The following DNAH14 variants were observed in gnomAD, a reference collection of about 807,000 sequenced individuals.
DNAH14 encodes the protein axonemal beta dynein heavy chain 14.
DNAH14 carries 478 observed loss-of-function variants against 520.9 expected under a neutral mutation model. The observed-to-expected ratio is 0.92, with a 90% CI of 0.85 to 0.99. The LOEUF is 0.99. DNAH14 is among the 50% of genes least tolerant of loss of function. The pLI, the probability that DNAH14 is intolerant of heterozygous loss-of-function variation, is 0.00. For synonymous variants in DNAH14, 1,581 were observed against 1,757.2 expected, an observed-to-expected ratio of 0.90 and a Z score of 2.51; for missense variants, 4,831 against 5,234.5, an observed-to-expected ratio of 0.92 and a Z score of 2.38.
At position 225,117,952 on chromosome 1, in the gene DNAH14, T is replaced by A. The variant is rs2148862019; in HGVS notation, c.4044T>A (p.Ala1348=). The A allele has an allele frequency of 6.4e-7, 1 of 1,551,588 alleles. No homozygotes were observed. The highest frequency in any genetic ancestry group is 2.0e-5 in the Admixed American group (1 of 51,002). ...GGAAACAAGACATTGGCCCTCCTGC[T>A]GTAAAAATGCTAATATCTGCTGAAG... The part of the protein sequence containing the change: ...LIWKQDIGPP[A]VKMLISAEGE... The change falls in exon 25 of 86, where the codon GCT becomes GCA. Residue 1348 remains alanine, a synonymous_variant. Transcript: ENST00000682510.
At chr1:225,310,177 G>GGTTGT (rs1047525415) in intron 60 of DNAH14, among the ~76,000 whole-genome samples, 1 of 151,692 alleles carries the variant, frequency 6.6e-6, no homozygotes, top group Non-Finnish European at 1.5e-5. Context: ...TGTTTTGCAT[G>GGTTGT]GTTTTGTTTT....
chr1:225,171,023 G>A (rs929003952), intron 36 of DNAH14, among the ~76,000 whole-genome samples: 1 of 152,052 alleles, frequency 6.6e-6, no homozygotes, highest in African/African-American at 2.4e-5. Context: ...ATGACTACTG[G>A]GTACATAACG....
chr1:225,344,653 A>C (rs555203812), intron 69 of DNAH14, among the ~76,000 whole-genome samples: 90 of 152,216 alleles, frequency 5.9e-4, no homozygotes, highest in African/African-American at 2.0e-3. Context: ...GGTTGATTAC[A>C]TGCCTTAGCT....
At chr1:225,394,380 A>T (rs1249877259) in intron 84 of DNAH14, among the ~76,000 whole-genome samples, 1 of 152,202 alleles carries the variant, frequency 6.6e-6, no homozygotes, top group Non-Finnish European at 1.5e-5. Context: ...TGATGAACAA[A>T]AATTTTTTTG....
chr1:225,239,032 G>A (rs1426571699), intron 42 of DNAH14, among the ~76,000 whole-genome samples: 2 of 152,160 alleles, frequency 1.3e-5, no homozygotes, highest in African/African-American at 4.8e-5. Context: ...TGGGAATTTG[G>A]TCCCATCTCA....
rs1321363760 is a variant in DNAH14, at chr1:225,085,654, G to A, written c.3438G>A (p.Leu1146=). ...TTGATTTTTGGAACACTACTCCTTTGCCTTTAATTCTTCACCACACAGAGA... is the reference window on the plus strand; with the variant it reads ...TTGATTTTTGGAACACTACTCCTTTACCTTTAATTCTTCACCACACAGAGA... ...KIIDFWNTTP[L]PLILHHTEIY... Residue 1146 remains leucine (L), a synonymous_variant, in exon 21 of 86, where the codon TTG becomes TTA. Coordinates refer to ENST00000682510, the MANE Select transcript of DNAH14 (RefSeq NM_001367479.1). 6.4e-7 allele frequency: 1 copy of A among 1,551,162 alleles called. No homozygotes were observed. The highest frequency in any genetic ancestry group is 2.0e-5 in the Admixed American group (1 of 50,978).
chr1:225,373,408 T>C (rs143370047), intron 77 of DNAH14, among the ~76,000 whole-genome samples: 11,606 of 145,988 alleles, frequency 0.079, 554 homozygotes, highest in South Asian at 0.13. Flanking sequence ...GAGGTTGCAG[T>C]GAGCCGAGGT....
chr1:225,289,909 A>G lies in DNAH14; in HGVS notation c.8296A>G (p.Lys2766Glu). The G allele has an allele frequency of 6.9e-7, 1 of 1,445,962 alleles. No individual in the cohort carries two copies. The highest frequency in any genetic ancestry group is 9.2e-7 in the Non-Finnish European group (1 of 1,090,836). The allele number at this position is 1,445,962 out of a possible 1,614,324, so 89.6% of individuals were successfully genotyped here. Residue 2766 changes from lysine (K) to glutamate (E), a missense_variant, in exon 55 of 86, where the codon AAA becomes GAA. By Grantham distance (56) the Lys-to-Glu change is moderately conservative. Coordinates refer to ENST00000682510, the MANE Select transcript of DNAH14 (RefSeq NM_001367479.1). ...GATTGGAATAGATGGATGTGGGAAAAAAACATGTGCAACCTTGGCCTGTTA... is the reference window on the plus strand; with the variant it reads ...GATTGGAATAGATGGATGTGGGAAAGAAACATGTGCAACCTTGGCCTGTTA... ...LLIGIDGCGK[K>E]TCATLACYLT...
chr1:224,942,502 C>T (rs961800601), intron 1 of DNAH14, among the ~76,000 whole-genome samples: 5 of 152,110 alleles, frequency 3.3e-5, no homozygotes, highest in Admixed American at 1.3e-4. Context: ...TTATTTCCTT[C>T]TTCTGCCTGA....
chr1:225,090,626 C>G (rs930590121), intron 21 of DNAH14, among the ~76,000 whole-genome samples: 2 of 151,946 alleles, frequency 1.3e-5, no homozygotes, highest in Non-Finnish European at 2.9e-5. Flanking sequence ...GAAAAAACAG[C>G]CAATTTTTAA....
At chr1:225,234,104 A>G (rs1395636867) in intron 42 of DNAH14, among the ~76,000 whole-genome samples, 1 of 152,058 alleles carries the variant, frequency 6.6e-6, no homozygotes, top group African/African-American at 2.4e-5. Context: ...TTGTAGATGT[A>G]CAATCTTATT....
intron 8 of DNAH14, among the ~76,000 whole-genome samples, chr1:224,991,084 C>CCTTTTTTTTTTTTTTTTTTTTTTTTTT (rs1558617220): frequency 1.3e-5 from 1 of 77,900 alleles, no homozygotes; most frequent in Non-Finnish European, 2.8e-5. Flanking sequence ...TGATGTTGAG[C>CCTTTTTTTTTTTTTTTTTTTTTTTTTT]TTTTTTTTTT....
chr1:224,938,378 A>C (rs2059178124), intron 1 of DNAH14, among the ~76,000 whole-genome samples: 1 of 152,220 alleles, frequency 6.6e-6, no homozygotes, highest in Non-Finnish European at 1.5e-5. Context: ...AAATAGACAA[A>C]AGATATGAAC....
intron 34 of DNAH14, among the ~76,000 whole-genome samples, chr1:225,158,013 A>G (rs899957084): frequency 1.3e-5 from 2 of 152,224 alleles, no homozygotes; most frequent in Non-Finnish European, 2.9e-5. Flanking sequence ...ACAGTATTGT[A>G]TATTTCAAAA....
chr1:225,327,382 C>T (rs1385451172), intron 64 of DNAH14, among the ~76,000 whole-genome samples: 3 of 151,908 alleles, frequency 2.0e-5, no homozygotes, highest in African/African-American at 7.3e-5. Flanking sequence ...AGGATGGTCT[C>T]GATTTCCTGA....
intron 15 of DNAH14, 78 bp from the exon 16 acceptor site, chr1:225,050,132 C>G: frequency 8.0e-7 from 1 of 1,250,322 alleles, no homozygotes; most frequent in Non-Finnish European, 1.1e-6. Flanking sequence ...TTCAATAGTT[C>G]TAGATGTCAT....
At chr1:225,223,919 C>A (rs1227919888) in intron 41 of DNAH14, among the ~76,000 whole-genome samples, 1 of 152,166 alleles carries the variant, frequency 6.6e-6, no homozygotes, top group East Asian at 1.9e-4. Context: ...GCAGCCCCAA[C>A]AGAGCCAGCA....
chr1:225,148,817 A>G (rs2080207994), intron 31 of DNAH14, among the ~76,000 whole-genome samples: 1 of 151,832 alleles, frequency 6.6e-6, no homozygotes, highest in Non-Finnish European at 1.5e-5. Flanking sequence ...TAAATTTGTT[A>G]AAGTTGCTTA....
chr1:224,934,558 A>G (rs1014320989), intron 1 of DNAH14, among the ~76,000 whole-genome samples: 1 of 151,928 alleles, frequency 6.6e-6, no homozygotes, highest in African/African-American at 2.4e-5. Flanking sequence ...AAGTGACAAA[A>G]GTTATGAATT....
Sources: gnomAD v4.1 joint callset for allele counts (sites outside exome capture counted in the v4.1 genomes callset) on GRCh38, gnomAD v4.1.1 for gene constraint, MANE v1.5 for transcripts, NCBI Gene and HGNC (gene_info 2026-07-23, HGNC 2026-07-21) for gene names.